Variants in TSHR observed in about 807,000 individuals in gnomAD.
TSHR encodes thyroid stimulating hormone receptor, also known as thyrotropin receptor.
In TSHR, 51 loss-of-function variants were observed where a neutral mutation model predicts 64.1. The observed-to-expected ratio is 0.80, with a 90% CI of 0.64 to 1.01. TSHR has a LOEUF of 1.01. Among genes scored for constraint, TSHR ranks in the 50% least tolerant of loss-of-function variants. The pLI is 0.00. For missense variants in TSHR, 877 were observed against 942.8 expected, an observed-to-expected ratio of 0.93 and a Z score of 0.91; for synonymous variants, 361 against 361.9, an observed-to-expected ratio of 1.00 and a Z score of 0.03.
chr14:81,117,642 A>G (rs1261982634), intron 8 of TSHR, among the ~76,000 whole-genome samples: 1 of 130,062 alleles, frequency 7.7e-6, no homozygotes, highest in East Asian at 2.7e-4. Flanking sequence ...TCCAATCAAT[A>G]GAAAAAGAGG....
chr14:81,085,929 G>A (rs1888254022), intron 3 of TSHR, among the ~76,000 whole-genome samples: 2 of 152,114 alleles, frequency 1.3e-5, no homozygotes, highest in Admixed American at 6.5e-5. Flanking sequence ...TTTGGAGTAG[G>A]GTGGCCAACT....
chr14:81,007,375 T>C (rs560641515), intron 1 of TSHR, among the ~76,000 whole-genome samples: 1 of 152,360 alleles, frequency 6.6e-6, no homozygotes, highest in East Asian at 1.9e-4. Flanking sequence ...TCTGACGGTC[T>C]TACAGTTTTC....
intron 7 of TSHR, chr14:81,099,347 G>A (rs1473522444): frequency 1.3e-5 from 2 of 151,862 alleles, no homozygotes; most frequent in Non-Finnish European, 2.9e-5. Context: ...TGGGTCCCCT[G>A]GTTCAGAACT....
intron 1 of TSHR, chr14:80,994,223 CAA>C (rs1214730420): frequency 6.1e-5 from 9 of 146,754 alleles, no homozygotes; most frequent in African/African-American, 2.2e-4. Flanking sequence ...AATATATATG[CAA>C]AAAAAGTCTT....
rs1161879777 is a variant in TSHR at position 81,122,020 on chromosome 14, C to CTTTTTTTTTTTTTTTTTTTTTTT, written c.692+13587_692+13609dup. 1.3e-4 allele frequency among the ~76,000 whole-genome samples: 6 copies of CTTTTTTTTTTTTTTTTTTTTTTT among 44,880 alleles called. 2 individuals are homozygous for CTTTTTTTTTTTTTTTTTTTTTTT. The highest frequency in any genetic ancestry group is 1.3e-3 in the East Asian group (2 of 1,528). 29.4% of individuals were successfully genotyped at this position (44,880 alleles called of 152,430 possible). On this transcript the variant is annotated intron_variant, in intron 8 of 9. Transcript: ENST00000298171. ...CTGGTTTGAGATGTGTTTTCTTTTC[C>CTTTTTTTTTTTTTTTTTTTTTTT]TTTTTTTTTTTTTTTTTTTTTTTTT...
chr14:80,991,995 T>C (rs1203085776), intron 1 of TSHR: 1 of 167,554 alleles, frequency 6.0e-6, no homozygotes, highest in African/African-American at 2.4e-5. Flanking sequence ...TTAAATGCTC[T>C]AAGTCTCTGG....
In TSHR at chr14:81,062,196, T is replaced by G. The variant is rs763539758; in HGVS notation, c.219T>G (p.Ser73=). The G allele has an allele frequency of 8.7e-6, 14 of 1,611,640 alleles. No homozygotes were observed. In the South Asian group the frequency reaches 1.5e-4, roughly 18 times the overall value. ...HLRTIPSHAF[S]NLPNISRIYV... is the part of the protein sequence containing the mutation. ...GAACTATTCCAAGTCATGCATTTTCTAATCTGCCCAATATTTCCAGAATGT... is the reference window on the plus strand; with the variant it reads ...GAACTATTCCAAGTCATGCATTTTCGAATCTGCCCAATATTTCCAGAATGT... Residue 73 remains serine (S), a synonymous_variant, in exon 2 of 10, where the codon TCT becomes TCG. Coordinates refer to ENST00000298171, the MANE Select transcript of TSHR (RefSeq NM_000369.5).
intron 8 of TSHR, among the ~76,000 whole-genome samples, chr14:81,127,631 G>T (rs1891070854): frequency 6.6e-6 from 1 of 152,176 alleles, no homozygotes; most frequent in Non-Finnish European, 1.5e-5. Flanking sequence ...AATCATGGAG[G>T]TGGTTCTTCT....
intron 1 of TSHR, chr14:81,014,044 G>T (rs1352444445): frequency 6.6e-6 from 1 of 152,170 alleles, no homozygotes; most frequent in Non-Finnish European, 1.5e-5. Flanking sequence ...ATCATAATTT[G>T]AGAAATGCAA....
rs562349690 is a variant in TSHR at position 81,145,430 on chromosome 14, G to T, written c.*1077G>T. 1 of 233,038 alleles carries T rather than the reference G, an allele frequency of 4.3e-6. No homozygotes were observed. The highest frequency in any genetic ancestry group is 8.5e-6 in the Non-Finnish European group (1 of 118,006). The allele number at this position is 233,038 out of a possible 1,614,324, so 14.4% of individuals were successfully genotyped here. A position where few individuals can be genotyped will look rare whatever the true frequency, so the allele number is the denominator to read the frequency against. On this transcript the variant is annotated 3_prime_UTR_variant, in exon 10 of 10. Transcript: ENST00000298171. ...TTTCACTTTTGATTATGATGTCTGA[G>T]CCAAAAATTCAATTAAGTAAACATA...
chr14:81,091,009 A>G (rs1888687920), intron 4 of TSHR, 60 bp from the exon 5 acceptor site: 1 of 1,395,626 alleles, frequency 7.2e-7, no homozygotes, highest in African/African-American at 1.4e-5. Context: ...TCTCCTTCCT[A>G]TGTGTTGATT....
chr14:80,972,294 GT>G (rs761196376), intron 1 of TSHR, among the ~76,000 whole-genome samples: 4 of 151,672 alleles, frequency 2.6e-5, no homozygotes, highest in South Asian at 2.1e-4. Context: ...GTTCTGTGGG[GT>G]TTTTTTTGCT....
At chr14:81,088,521 C>T (rs1888461322) in intron 4 of TSHR, among the ~76,000 whole-genome samples, 1 of 152,176 alleles carries the variant, frequency 6.6e-6, no homozygotes, top group Admixed American at 6.5e-5. Context: ...TTGAAAACAC[C>T]TTATGAGCTA....
At chr14:81,082,514 T>C (rs1887979599) in intron 3 of TSHR, among the ~76,000 whole-genome samples, 1 of 152,174 alleles carries the variant, frequency 6.6e-6, no homozygotes, top group African/African-American at 2.4e-5. Context: ...ACATTGAGTC[T>C]GCTAAGTCCG....
At chr14:81,102,890 C>G (rs935014892) in intron 7 of TSHR, 1 of 985,110 alleles carries the variant, frequency 1.0e-6, no homozygotes, top group Non-Finnish European at 1.2e-6. Flanking sequence ...AAATATTTGG[C>G]GTTAGAAAGT....
At chr14:81,138,718 GA>G (rs1419762807) in intron 8 of TSHR, among the ~76,000 whole-genome samples, 3 of 151,960 alleles carry the variant, frequency 2.0e-5, no homozygotes, top group African/African-American at 7.3e-5. Context: ...GGAGGAAATG[GA>G]AAATAATGGA....
intron 1 of TSHR, among the ~76,000 whole-genome samples, chr14:81,039,899 A>C (rs1384847797): frequency 6.6e-6 from 1 of 152,032 alleles, no homozygotes; most frequent in Admixed American, 6.6e-5. Context: ...TACTCCCAAA[A>C]GATCTACAGA....
intron 2 of TSHR, among the ~76,000 whole-genome samples, chr14:81,065,181 C>T (rs986049436): frequency 6.6e-6 from 1 of 152,102 alleles, no homozygotes; most frequent in Non-Finnish European, 1.5e-5. Flanking sequence ...AGAGGCCAGG[C>T]TCCTCCCCAC....
intron 3 of TSHR, among the ~76,000 whole-genome samples, chr14:81,085,619 C>A (rs1888231737): frequency 6.6e-6 from 1 of 152,164 alleles, no homozygotes; most frequent in South Asian, 2.1e-4. Context: ...TTATTCTCTA[C>A]CTTTTCAGCT....
Sources: allele counts gnomAD v4.1 joint callset (sites outside exome capture counted in the v4.1 genomes callset), GRCh38; gene constraint gnomAD v4.1.1; transcripts MANE v1.5; gene names NCBI Gene and HGNC (gene_info 2026-07-23, HGNC 2026-07-21).